RANBP17: variants seen among roughly 807,000 people sequenced by gnomAD.
The protein encoded by RANBP17 is ran-binding protein 17.
In RANBP17, 158 loss-of-function variants were observed where a neutral mutation model predicts 141.2. That is an observed-to-expected ratio of 1.12 (90% CI 0.98 to 1.28). The LOEUF is 1.28. Ranked by LOEUF, RANBP17 falls within the 50% of genes most tolerant of loss-of-function variation. The pLI is 0.00. For missense variants in RANBP17, 1,438 were observed against 1,290.7 expected (o/e 1.11, Z -1.75); for synonymous variants, 430 against 450.0 (o/e 0.96, Z 0.56).
intron 14 of RANBP17, among the ~76,000 whole-genome samples, chr5:171,098,765 T>C (rs1347525712): frequency 6.6e-6 from 1 of 152,204 alleles, no homozygotes; most frequent in African/African-American, 2.4e-5. Flanking sequence ...GTTTTTATGC[T>C]TTTAGGTCTT....
intron 12 of RANBP17, among the ~76,000 whole-genome samples, chr5:170,931,908 A>G (rs1384063784): frequency 6.6e-6 from 1 of 152,154 alleles, no homozygotes; most frequent in Non-Finnish European, 1.5e-5. Context: ...TTGGTTCCAT[A>G]TGAACTTTAA....
chr5:170,918,804 A>G lies in RANBP17; in HGVS notation c.1046A>G (p.Lys349Arg), dbSNP rs749109065. The G allele has an allele frequency of 1.2e-6, 2 of 1,605,388 alleles. No homozygotes were observed. The highest frequency in any genetic ancestry group is 1.7e-6 in the Non-Finnish European group (2 of 1,174,484). The change falls in exon 10 of 28, where the codon AAG becomes AGG. Residue 349 changes from lysine (K) to arginine (R), a missense_variant. Coordinates refer to ENST00000523189, the MANE Select transcript of RANBP17 (RefSeq NM_022897.5). The stretch of plus-strand genomic sequence containing the variant: ...CAGCTGGGAGAATTAGTTATGGTGA[A>G]GGAATATCCTGAAGTTATTAGATTG... ...NYQLGELVMV[K>R]EYPEVIRLIA...
In RANBP17 at chr5:171,237,520, A is replaced by C. The variant is rs144039589; in HGVS notation, c.2423-3408A>C. 4.6e-5 allele frequency among the ~76,000 whole-genome samples: 7 copies of C among 152,282 alleles called. No homozygotes were observed. In the East Asian group the frequency reaches 1.3e-3, roughly 29 times the overall value. On this transcript the variant is annotated intron_variant, in intron 22 of 27. Transcript: ENST00000523189. ...GAGCCCCAACATAGCCTCAGCATCT[A>C]TCTTACCCAGCTTACGGATGTTACA...
intron 5 of RANBP17, among the ~76,000 whole-genome samples, chr5:170,909,262 T>A (rs1771327050): frequency 6.6e-6 from 1 of 151,888 alleles, no homozygotes; most frequent in African/African-American, 2.4e-5. Context: ...CACTTTCAAC[T>A]AGAAGAATTT....
At chr5:170,964,219 T>G (rs1224319568) in intron 13 of RANBP17, among the ~76,000 whole-genome samples, 2 of 152,154 alleles carry the variant, frequency 1.3e-5, no homozygotes, top group African/African-American at 4.8e-5. Context: ...GTGAGTAGCT[T>G]GACTTTTTGA....
chr5:170,963,966 G>T (rs182466141), intron 13 of RANBP17, among the ~76,000 whole-genome samples: 1 of 152,108 alleles, frequency 6.6e-6, no homozygotes, highest in African/African-American at 2.4e-5. Context: ...TGAGCAAACG[G>T]GTCACAGAAA....
chr5:170,930,566 C>A (rs1001114311), intron 12 of RANBP17, among the ~76,000 whole-genome samples: 1 of 151,966 alleles, frequency 6.6e-6, no homozygotes. Flanking sequence ...CCCGCTCCCC[C>A]CACTCCCCGG....
intron 12 of RANBP17, among the ~76,000 whole-genome samples, chr5:170,927,797 G>A (rs1394344288): frequency 6.6e-6 from 1 of 152,004 alleles, no homozygotes; most frequent in African/African-American, 2.4e-5. Flanking sequence ...ATTACACTTA[G>A]AGTTTTTGGC....
rs562660776 is a variant in RANBP17, at chr5:171,139,849, A to G, written c.1711-30281A>G. ...TTTCTGCCTGTTTAAATAACTTTCTATTGTTTTTAGGATAAAACCCAACTT... is the reference window on the plus strand; with the variant it reads ...TTTCTGCCTGTTTAAATAACTTTCTGTTGTTTTTAGGATAAAACCCAACTT... On this transcript the variant is annotated intron_variant, in intron 14 of 27. Transcript: ENST00000523189. Among the ~76,000 whole-genome samples the G allele has an allele frequency of 1.3e-3, 194 of 152,182 alleles. 2 individuals are homozygous for G. The highest frequency in any genetic ancestry group is 1.6e-3 in the Non-Finnish European group (112 of 68,002).
intron 13 of RANBP17, among the ~76,000 whole-genome samples, chr5:170,955,493 G>T (rs1328089309): frequency 1.5e-5 from 1 of 65,080 alleles, no homozygotes; most frequent in Non-Finnish European, 3.4e-5. Context: ...TATGCTCAGT[G>T]TGTATATATA....
At chr5:170,927,473 G>T (rs1387683698) in intron 12 of RANBP17, among the ~76,000 whole-genome samples, 1 of 151,968 alleles carries the variant, frequency 6.6e-6, no homozygotes, top group Admixed American at 6.6e-5. Flanking sequence ...TTATCAGTGA[G>T]GTTGTGCATT....
chr5:171,199,252 T>C (rs1561755958), intron 18 of RANBP17, among the ~76,000 whole-genome samples: 2 of 151,928 alleles, frequency 1.3e-5, no homozygotes, highest in Non-Finnish European at 2.9e-5. Context: ...AACTTAGAGC[T>C]ATCTGGGCAC....
chr5:171,053,284 G>T (rs1306002736), intron 14 of RANBP17, among the ~76,000 whole-genome samples: 1 of 152,036 alleles, frequency 6.6e-6, no homozygotes, highest in African/African-American at 2.4e-5. Context: ...CTGAGGTTCA[G>T]TGTACGAATG....
At chr5:170,897,569 A>T (rs369227973) in intron 5 of RANBP17, among the ~76,000 whole-genome samples, 4 of 148,532 alleles carry the variant, frequency 2.7e-5, no homozygotes, top group African/African-American at 1.0e-4. Context: ...TAGCCCCCCA[A>T]CCCCCAACAG....
At chr5:171,020,850 G>A (rs920985968) in intron 14 of RANBP17, among the ~76,000 whole-genome samples, 12 of 152,134 alleles carry the variant, frequency 7.9e-5, no homozygotes, top group African/African-American at 2.7e-4. Flanking sequence ...ATTAGTTGAT[G>A]CAGTTTCTTC....
intron 14 of RANBP17, among the ~76,000 whole-genome samples, chr5:171,153,670 G>A (rs1379609748): frequency 6.6e-6 from 1 of 152,206 alleles, no homozygotes; most frequent in Non-Finnish European, 1.5e-5. Context: ...CATACACAGG[G>A]AAGTAAGATA....
At chr5:171,077,335 A>G (rs1448220481) in intron 14 of RANBP17, among the ~76,000 whole-genome samples, 1 of 151,990 alleles carries the variant, frequency 6.6e-6, no homozygotes, top group South Asian at 2.1e-4. Flanking sequence ...GCGAGACTCC[A>G]TCTCAAAAAA....
chr5:171,120,799 C>T (rs1755979234), intron 14 of RANBP17, among the ~76,000 whole-genome samples: 1 of 152,078 alleles, frequency 6.6e-6, no homozygotes, highest in South Asian at 2.1e-4. Context: ...TGGTGTGTCC[C>T]TAGGTTGATT....
intron 14 of RANBP17, among the ~76,000 whole-genome samples, chr5:171,068,798 C>T (rs1400969278): frequency 6.6e-6 from 1 of 152,094 alleles, no homozygotes; most frequent in East Asian, 1.9e-4. Context: ...ACCATGTCGG[C>T]CAAGGTCAAA....
Sources: gnomAD v4.1 joint callset for allele counts (sites outside exome capture counted in the v4.1 genomes callset) on GRCh38, gnomAD v4.1.1 for gene constraint, MANE v1.5 for transcripts, NCBI Gene and HGNC (gene_info 2026-07-23, HGNC 2026-07-21) for gene names.